TBC1D22A: variants seen among roughly 807,000 people sequenced by gnomAD.
The protein encoded by TBC1D22A is putative GTPase activator.
Under a neutral mutation model 60.2 loss-of-function variants are expected in TBC1D22A, and 38 were observed. That is an observed-to-expected ratio of 0.63 (90% CI 0.49 to 0.83). The LOEUF is 0.83. TBC1D22A is among the 40% of genes least tolerant of loss of function. The pLI is 0.00. For synonymous variants in TBC1D22A, 302 were observed against 281.7 expected (o/e 1.07, Z -0.72); for missense variants, 628 against 701.0 (o/e 0.90, Z 1.18).
intron 11 of TBC1D22A, among the ~76,000 whole-genome samples, chr22:47,056,736 GGACCTTAGCA>G (rs1409366297): frequency 3.3e-5 from 5 of 152,212 alleles, no homozygotes; most frequent in African/African-American, 7.2e-5. Context: ...CTATGACAGG[GGACCTTAGCA>G]GACCAGCAGG....
chr22:46,805,853 C>T (rs886384556), intron 4 of TBC1D22A, among the ~76,000 whole-genome samples: 2 of 131,164 alleles, frequency 1.5e-5, no homozygotes, highest in African/African-American at 2.7e-5. Context: ...TCTTCTTCTT[C>T]TTTTTTTTCT....
At chr22:46,957,957 C>T (rs1484678579) in intron 8 of TBC1D22A, among the ~76,000 whole-genome samples, 1 of 151,864 alleles carries the variant, frequency 6.6e-6, no homozygotes, top group Non-Finnish European at 1.5e-5. Flanking sequence ...ATAGGATAGC[C>T]CCCTGAACTG....
chr22:47,110,852 C>T (rs1262860765), intron 11 of TBC1D22A, among the ~76,000 whole-genome samples: 1 of 152,170 alleles, frequency 6.6e-6, no homozygotes, highest in Non-Finnish European at 1.5e-5. Flanking sequence ...GGGAGGGCCT[C>T]TGGGAGCTGA....
chr22:47,090,068 C>T (rs912724967), intron 11 of TBC1D22A, among the ~76,000 whole-genome samples: 27 of 152,262 alleles, frequency 1.8e-4, no homozygotes, highest in African/African-American at 4.8e-4. Context: ...GCAGCGGTCC[C>T]GTGCTAGGTC....
rs146422797 is a variant in TBC1D22A at position 46,906,133 on chromosome 22, A to G, written c.901-5941A>G. Among the ~76,000 whole-genome samples the G allele has an allele frequency of 2.6e-4, 39 of 151,660 alleles. No homozygotes were observed. The East Asian group carries it at 6.7e-3, about 26-fold the overall frequency. ...GTTCTTGGCTTGCCCTCAGCACAGC[A>G]GTGATGGGAGAAAGGGCAGCTGCAG... On this transcript the variant is annotated intron_variant, in intron 7 of 12. Coordinates refer to ENST00000337137, the MANE Select transcript of TBC1D22A (RefSeq NM_014346.5).
chr22:47,048,157 G>A (rs1603162316), intron 11 of TBC1D22A, among the ~76,000 whole-genome samples: 1 of 152,204 alleles, frequency 6.6e-6, no homozygotes, highest in East Asian at 1.9e-4. Context: ...GTGTAGTTGA[G>A]AGAGGAGCCC....
chr22:46,862,205 C>T (rs549319436), intron 4 of TBC1D22A, among the ~76,000 whole-genome samples: 1 of 152,310 alleles, frequency 6.6e-6, no homozygotes, highest in Non-Finnish European at 1.5e-5. Flanking sequence ...ACAGTAGGTG[C>T]TCAGTGAATG....
intron 12 of TBC1D22A, among the ~76,000 whole-genome samples, chr22:47,164,897 C>G (rs953714600): frequency 6.6e-6 from 1 of 152,220 alleles, no homozygotes; most frequent in African/African-American, 2.4e-5. Context: ...AAATGCTCCA[C>G]TGTCTGCAGA....
intron 8 of TBC1D22A, among the ~76,000 whole-genome samples, chr22:46,968,404 G>T (rs1480179364): frequency 2.0e-5 from 3 of 152,234 alleles, no homozygotes; most frequent in African/African-American, 7.2e-5. Flanking sequence ...GGATGGAGTG[G>T]GATCATGCGT....
At chr22:46,959,832 A>T (rs919199255) in intron 8 of TBC1D22A, among the ~76,000 whole-genome samples, 1 of 152,108 alleles carries the variant, frequency 6.6e-6, no homozygotes, top group Non-Finnish European at 1.5e-5. Context: ...TTTTCTAATG[A>T]CCTGCCATCG....
intron 8 of TBC1D22A, among the ~76,000 whole-genome samples, chr22:46,945,865 T>C (rs2072506550): frequency 6.6e-6 from 1 of 152,196 alleles, no homozygotes; most frequent in Non-Finnish European, 1.5e-5. Context: ...TAAATGGCAG[T>C]GAGCTTCATC....
intron 8 of TBC1D22A, among the ~76,000 whole-genome samples, chr22:46,933,626 G>C (rs11090916): frequency 0.05 from 7,222 of 143,318 alleles, 597 homozygotes; most frequent in African/African-American, 0.19. Flanking sequence ...AGAGACCACT[G>C]GGGGGGGGTT....
In TBC1D22A at chr22:46,793,760, G is replaced by A. The variant is rs759162830; in HGVS notation, c.379G>A (p.Glu127Lys). ...GPGLQQKPRP[E>K]AEPPSPPSGD... ...AGGGCTTCAGCAGAAGCCCAGGCCC[G>A]AGGCAGAGCCGCCCTCACCCCCCAG... The change falls in exon 3 of 13, where the codon GAG (glutamate) becomes AAG (lysine). Residue 127 changes from glutamate (E) to lysine (K), a missense_variant. By Grantham distance (56) the Glu-to-Lys change is moderately conservative. Coordinates refer to ENST00000337137, the MANE Select transcript of TBC1D22A (RefSeq NM_014346.5). 6.2e-6 allele frequency: 10 copies of A among 1,604,624 alleles called. No individual in the cohort carries two copies. The highest frequency in any genetic ancestry group is 5.1e-5 in the Admixed American group (3 of 58,464).
chr22:47,100,517 T>C (rs2065372527), intron 11 of TBC1D22A, among the ~76,000 whole-genome samples: 1 of 152,086 alleles, frequency 6.6e-6, no homozygotes, highest in African/African-American at 2.4e-5. Flanking sequence ...CCACATGTTG[T>C]GGGAGGTAAT....
chr22:46,933,887 G>T (rs2071495707), intron 8 of TBC1D22A, among the ~76,000 whole-genome samples: 1 of 152,244 alleles, frequency 6.6e-6, no homozygotes, highest in Non-Finnish European at 1.5e-5. Flanking sequence ...TGGGGACAGG[G>T]GTGTGGGGAT....
At chr22:46,896,378 A>C (rs1288646281) in intron 7 of TBC1D22A, among the ~76,000 whole-genome samples, 2 of 152,094 alleles carry the variant, frequency 1.3e-5, no homozygotes, top group South Asian at 4.2e-4. Context: ...GTTGAACTTA[A>C]CAGTCTTTTA....
At position 46,890,460 on chromosome 22, in the gene TBC1D22A, A is replaced by G. The variant is rs532689419; in HGVS notation, c.709-806A>G. 9.8e-5 allele frequency among the ~76,000 whole-genome samples: 15 copies of G among 152,332 alleles called. No homozygotes were observed. In the South Asian group the frequency reaches 2.9e-3, roughly 29 times the overall value. ...TTGTATCAGGTGTCATAAGTCATCT[A>G]GAGATTATTTAAAGTATTCAAGCAG... On this transcript the variant is annotated intron_variant, in intron 5 of 12. Coordinates refer to ENST00000337137, the MANE Select transcript of TBC1D22A (RefSeq NM_014346.5).
chr22:47,078,098 C>G (rs1378718418), intron 11 of TBC1D22A, among the ~76,000 whole-genome samples: 5 of 152,176 alleles, frequency 3.3e-5, no homozygotes, highest in Non-Finnish European at 7.3e-5. Context: ...CCAGGCCCAT[C>G]CACGGAGTTG....
intron 4 of TBC1D22A, among the ~76,000 whole-genome samples, chr22:46,806,910 AAGTTCAACCTCTTCACAGGGCT>A (rs1204184647): frequency 6.6e-6 from 1 of 152,184 alleles, no homozygotes; most frequent in East Asian, 1.9e-4. Context: ...TGAGGAGGGG[AAGTTCAACCTCTTCACAGGGCT>A]GGCCGAGCAA....
Sources: gnomAD v4.1 joint callset for allele counts (sites outside exome capture counted in the v4.1 genomes callset) on GRCh38, gnomAD v4.1.1 for gene constraint, MANE v1.5 for transcripts, NCBI Gene and HGNC (gene_info 2026-07-23, HGNC 2026-07-21) for gene names.